Variants in RGS21 observed in about 807,000 individuals in gnomAD.
RGS21 encodes the protein regulator of G-protein signalling 21.
In RGS21, 19 loss-of-function variants were observed where a neutral mutation model predicts 18.7. The observed-to-expected ratio is 1.01, with a 90% confidence interval of 0.71 to 1.49. The LOEUF (loss-of-function observed/expected upper bound fraction) is 1.49, where lower values mean the gene tolerates loss of function less well. Ranked by LOEUF, RGS21 falls within the 40% of genes most tolerant of loss-of-function variation. The probability of loss-of-function intolerance (pLI) is 0.00; values close to 1 mark genes in which losing one functional copy is unlikely to be tolerated. For synonymous variants in RGS21, 56 were observed against 57.8 expected, an observed-to-expected ratio of 0.97 and a Z score of 0.14; for missense variants, 194 against 176.8, an observed-to-expected ratio of 1.10 and a Z score of -0.55.
At chr1:192,331,762 T>C (rs1354236460) in intron 1 of RGS21, among the ~76,000 whole-genome samples, 1 of 151,910 alleles carries the variant, frequency 6.6e-6, no homozygotes, top group Non-Finnish European at 1.5e-5. Flanking sequence ...TTTTGAAACA[T>C]TTACTACTTT....
chr1:192,339,226 A>T (rs1936673), intron 1 of RGS21, among the ~76,000 whole-genome samples: 42,165 of 141,466 alleles, frequency 0.3, 6,488 homozygotes, highest in African/African-American at 0.43. Context: ...ATTTTTTTTT[A>T]AAAAAAAAGA....
In RGS21 at chr1:192,366,041, C is replaced by T. The variant is rs373876071; in HGVS notation, c.376C>T (p.Arg126Ter). The T allele has an allele frequency of 2.2e-5, 36 of 1,610,812 alleles. No individual in the cohort carries two copies. In the East Asian group the frequency reaches 5.1e-4, roughly 23 times the overall value. Residue 126 changes from arginine to a stop codon, truncating the protein, a stop_gained, in exon 5 of 5, where the codon CGA (arginine) becomes TGA (stop). Transcript: ENST00000417209. LOFTEE classifies it high-confidence loss of function. ...TCTCATGGCCAAGGATTCTTTCCCT[C>T]GATTTCTGAAGTCAGAGATTTATAA... ...YCLMAKDSFP[R>*]FLKSEIYKKL... is the part of the protein sequence containing the mutation.
At chr1:192,332,940 A>T (rs776947844) in intron 1 of RGS21, among the ~76,000 whole-genome samples, 20 of 151,918 alleles carry the variant, frequency 1.3e-4, no homozygotes, top group South Asian at 6.2e-4. Context: ...TCTCAAAAAA[A>T]TTTTTTTAAA....
At chr1:192,336,605 C>A (rs1658771264) in intron 1 of RGS21, among the ~76,000 whole-genome samples, 2 of 151,900 alleles carry the variant, frequency 1.3e-5, no homozygotes, top group African/African-American at 4.8e-5. Flanking sequence ...GTTATTTCAG[C>A]AATAATCTAC....
intron 1 of RGS21, among the ~76,000 whole-genome samples, chr1:192,331,306 C>A (rs972463349): frequency 5.9e-5 from 9 of 152,080 alleles, no homozygotes; most frequent in African/African-American, 2.2e-4. Context: ...ATAATCCCAG[C>A]ACTTTGGGAG....
chr1:192,334,811 C>T (rs187540639), intron 1 of RGS21, among the ~76,000 whole-genome samples: 158 of 152,150 alleles, frequency 1.0e-3, no homozygotes, highest in African/African-American at 3.6e-3. Context: ...TGTGTTCCAT[C>T]TCTCTTTTTC....
rs1346457871 is a variant in RGS21, at chr1:192,366,342, A to G, written c.*218A>G. Reference sequence around the variant, plus strand: ...TTAATCTCCTACTGGGGGAGTACAAAGAAAGTTTATAGAGATACAATATAG... The same window carrying G: ...TTAATCTCCTACTGGGGGAGTACAAGGAAAGTTTATAGAGATACAATATAG... On this transcript the variant is annotated 3_prime_UTR_variant, in exon 5 of 5. Transcript: ENST00000417209. 7 of 459,380 alleles carry G rather than the reference A, an allele frequency of 1.5e-5. No homozygotes were observed. The highest frequency in any genetic ancestry group is 2.7e-5 in the Non-Finnish European group (7 of 259,384). 28.5% of individuals were successfully genotyped at this position (459,380 alleles called of 1,614,324 possible).
At chr1:192,353,034 CA>C (rs1226609517) in intron 4 of RGS21, among the ~76,000 whole-genome samples, 1 of 151,890 alleles carries the variant, frequency 6.6e-6, no homozygotes, top group African/African-American at 2.4e-5. Flanking sequence ...CTACTAGTAC[CA>C]AACCAACTAC....
At chr1:192,322,567 C>T (rs950220067) in intron 1 of RGS21, among the ~76,000 whole-genome samples, 16 of 152,126 alleles carry the variant, frequency 1.1e-4, no homozygotes, top group African/African-American at 3.1e-4. Context: ...TTCTAACAAT[C>T]CCCTTAATTT....
chr1:192,318,434 A>G lies in RGS21; in HGVS notation c.-61+1329A>G, dbSNP rs149192407. Among the ~76,000 whole-genome samples the G allele has an allele frequency of 2.0e-3, 302 of 152,194 alleles. 1 individual carries two copies. Among genetic ancestry groups the G allele is most frequent in the African/African-American group, 6.0e-3 (250 of 41,556 alleles). On this transcript the variant is annotated intron_variant, in intron 1 of 4. Coordinates refer to ENST00000417209, the MANE Select transcript of RGS21 (RefSeq NM_001039152.3). ...TCTAACATTCCCCCTCCTTGGGGCT[A>G]GACTCTATCCCTCCCAGAACAGCAA...
intron 1 of RGS21, among the ~76,000 whole-genome samples, chr1:192,333,304 T>A (rs1434339328): frequency 2.1e-4 from 21 of 100,860 alleles, no homozygotes; most frequent in African/African-American, 8.6e-4. Context: ...ACACACACAC[T>A]TACCATAGGA....
In RGS21 at chr1:192,321,829, T is replaced by A. The variant is rs1658502259; in HGVS notation, c.-61+4724T>A. On this transcript the variant is annotated intron_variant, in intron 1 of 4. Transcript: ENST00000417209. ...TTTTATTTTTAATACTTGAAATAAA[T>A]CTTTCATTTTGAGTAGGTCCTTATA... 2.6e-5 allele frequency among the ~76,000 whole-genome samples: 4 copies of A among 152,124 alleles called. No homozygotes were observed. In the South Asian group the frequency reaches 8.3e-4, roughly 31 times the overall value.
intron 1 of RGS21, among the ~76,000 whole-genome samples, chr1:192,330,135 AAGG>A (rs1370535123): frequency 1.4e-4 from 21 of 152,166 alleles, no homozygotes; most frequent in African/African-American, 4.6e-4. Flanking sequence ...AGAAGTCTAA[AAGG>A]AGAGATAAGA....
intron 1 of RGS21, among the ~76,000 whole-genome samples, chr1:192,321,547 C>T (rs1289203725): frequency 6.6e-6 from 1 of 151,934 alleles, no homozygotes; most frequent in East Asian, 1.9e-4. Flanking sequence ...AGGTACCAAA[C>T]ACTACAAAAG....
At chr1:192,327,959 T>C (rs1264324698) in intron 1 of RGS21, among the ~76,000 whole-genome samples, 2 of 152,224 alleles carry the variant, frequency 1.3e-5, no homozygotes, top group Admixed American at 6.5e-5. Flanking sequence ...AGATTTATAA[T>C]GTCTCATGAA....
At chr1:192,342,093 C>A (rs1419093066) in intron 1 of RGS21, among the ~76,000 whole-genome samples, 1 of 151,962 alleles carries the variant, frequency 6.6e-6, no homozygotes, top group Non-Finnish European at 1.5e-5. Context: ...TAGGGCATTT[C>A]CACGGTAAGT....
At chr1:192,364,307 T>C (rs936723315) in intron 4 of RGS21, among the ~76,000 whole-genome samples, 1 of 152,154 alleles carries the variant, frequency 6.6e-6, no homozygotes, top group Non-Finnish European at 1.5e-5. Context: ...TGGAAGTATA[T>C]TCTGGGATCA....
chr1:192,362,374 AAG>A lies in RGS21; in HGVS notation c.256-3544_256-3543del, dbSNP rs374330423. 4.9e-4 allele frequency among the ~76,000 whole-genome samples: 74 copies of A among 152,312 alleles called. 1 individual carries two copies. The highest frequency in any genetic ancestry group is 1.6e-3 in the African/African-American group (68 of 41,582). Reference sequence around the variant, plus strand: ...TTATAAAGCCCTAAGCTGGAAAAATAAGAGTGAGAATGAAAAAGACCATTGTG... The same window carrying A: ...TTATAAAGCCCTAAGCTGGAAAAATAAGTGAGAATGAAAAAGACCATTGTG... On this transcript the variant is annotated intron_variant, in intron 4 of 4. Coordinates refer to ENST00000417209, the MANE Select transcript of RGS21 (RefSeq NM_001039152.3).
At chr1:192,319,502 C>A (rs1332640012) in intron 1 of RGS21, among the ~76,000 whole-genome samples, 1 of 151,862 alleles carries the variant, frequency 6.6e-6, no homozygotes, top group Non-Finnish European at 1.5e-5. Context: ...TGCAATTTTC[C>A]AAAATGAGAG....
Sources: allele counts gnomAD v4.1 joint callset (sites outside exome capture counted in the v4.1 genomes callset), GRCh38; gene constraint gnomAD v4.1.1; transcripts MANE v1.5; gene names NCBI Gene and HGNC (gene_info 2026-07-23, HGNC 2026-07-21).